Variants in REN observed in about 807,000 individuals in gnomAD.
The protein encoded by REN is renin.
A neutral mutation model predicts 48.6 loss-of-function variants in REN; 42 were observed. The observed-to-expected ratio is 0.86, with a 90% CI of 0.68 to 1.12. The LOEUF is 1.12. REN is among the 50% of genes most tolerant of loss of function. The pLI, the probability that REN is intolerant of heterozygous loss-of-function variation, is 0.00. For missense variants in REN, 443 were observed against 527.3 expected (o/e 0.84, Z 1.57); for synonymous variants, 196 against 204.6 (o/e 0.96, Z 0.36).
chr1:204,164,567 T>G (rs1415406339), intron 1 of REN, among the ~76,000 whole-genome samples: 1 of 61,930 alleles, frequency 1.6e-5, no homozygotes, highest in Admixed American at 1.4e-4. Flanking sequence ...TCTTCAGTCT[T>G]TTTTTTTTTT....
rs1384871999 is a variant in REN, at chr1:204,160,592, C to T, written c.460G>A (p.Val154Ile). 2 of 1,614,156 alleles carry T rather than the reference C, an allele frequency of 1.2e-6. No homozygotes were observed. Among genetic ancestry groups the T allele is most frequent in the South Asian group, 2.2e-5 (2 of 91,090 alleles). ...ELTLRYSTGT[V>I]SGFLSQDIIT... ...ATGTCCTGGCTGAGAAAGCCACTGA[C>T]TGTCCCTGTTGAATAGCGGAGGGTG... Residue 154 changes from valine to isoleucine, a missense_variant, in exon 4 of 10, where the codon GTC becomes ATC. Val to Ile is a conservative substitution (Grantham distance 29). Coordinates refer to ENST00000272190, the MANE Select transcript of REN (RefSeq NM_000537.4).
In REN at chr1:204,157,282, C is replaced by T. The variant is rs79234936; in HGVS notation, c.698+79G>A. ...GGGCTTGCTGATGTGAGTTTTGGGCCGGTGGCGTGTGTAATTCTAGGTCAG... is the reference window on the plus strand; with the variant it reads ...GGGCTTGCTGATGTGAGTTTTGGGCTGGTGGCGTGTGTAATTCTAGGTCAG... On this transcript the variant is annotated intron_variant, in intron 6 of 9. Transcript: ENST00000272190. 49 of 1,582,698 alleles carry T rather than the reference C, an allele frequency of 3.1e-5. No individual in the cohort carries two copies. In the African/African-American group the frequency reaches 5.4e-4, roughly 17 times the overall value.
rs1234378266 is a variant in REN at position 204,156,847 on chromosome 1, C to T, written c.699-51G>A. The T allele has an allele frequency of 6.2e-7, 1 of 1,609,404 alleles. No homozygotes were observed. The highest frequency in any genetic ancestry group is 8.5e-7 in the Non-Finnish European group (1 of 1,179,684). On this transcript the variant is annotated intron_variant, in intron 6 of 9. Transcript: ENST00000272190. This position sits in a 1 kb window ranked among gnomAD's most constrained non-coding sequence, Gnocchi z 4.2. ...GAAACCCATAACCTCCAGGACCCAG[C>T]AACTCAGGCAATTGGGGAAGGTTGC...
chr1:204,158,473 A>G (rs1361564800), intron 5 of REN, among the ~76,000 whole-genome samples: 1 of 135,208 alleles, frequency 7.4e-6, no homozygotes, highest in Non-Finnish European at 1.5e-5. Flanking sequence ...GCTGGAGTGC[A>G]GTGGCACAAT....
intron 1 of REN, among the ~76,000 whole-genome samples, chr1:204,163,624 C>T (rs1658287960): frequency 6.6e-6 from 1 of 152,146 alleles, no homozygotes; most frequent in South Asian, 2.1e-4. Flanking sequence ...CAAGGCCCAA[C>T]ATGTACCCCC....
intron 1 of REN, 83 bp downstream of exon 1, chr1:204,166,113 A>T: frequency 9.0e-7 from 1 of 1,111,328 alleles, no homozygotes; most frequent in Non-Finnish European, 1.4e-6. Context: ...ACTGAATGAC[A>T]CCGCATGTGG....
chr1:204,162,276 A>T, intron 1 of REN, 113 bp from the exon 2 acceptor site: 1 of 1,152,608 alleles, frequency 8.7e-7, no homozygotes, highest in Admixed American at 2.0e-5. Context: ...ACGTTAGCCC[A>T]GCCACCTGGA....
chr1:204,156,356 A>G lies in REN; in HGVS notation c.819-37T>C. The G allele has an allele frequency of 6.2e-7, 1 of 1,609,866 alleles. No homozygotes were observed. The highest frequency in any genetic ancestry group is 2.2e-5 in the East Asian group (1 of 44,630). ...CACAGTCAGACAGACAGACAGACAG[A>G]CAGACAGAAGGCTGATGGGGCACCT... On this transcript the variant is annotated intron_variant, in intron 7 of 9. Transcript: ENST00000272190. This position sits in a 1 kb window ranked among gnomAD's most constrained non-coding sequence, Gnocchi z 4.2.
chr1:204,158,390 C>T (rs961599598), intron 5 of REN, among the ~76,000 whole-genome samples: 4 of 150,704 alleles, frequency 2.7e-5, no homozygotes, highest in Non-Finnish European at 5.9e-5. Flanking sequence ...TGCCACTGGC[C>T]TCATGTTCTT....
Position 204,154,937 on chromosome 1 carries a change from C to T in REN, c.*79G>A. 6.4e-7 allele frequency: 1 copy of T among 1,551,350 alleles called. No homozygotes were observed. Among genetic ancestry groups the T allele is most frequent in the Non-Finnish European group, 8.8e-7 (1 of 1,133,826 alleles). Reference sequence around the variant, plus strand: ...ATGTCTCCATCTGAGGGCATAAGCCCAGGCAGAGGGGCATCTCAGAGAGTG... The same window carrying T: ...ATGTCTCCATCTGAGGGCATAAGCCTAGGCAGAGGGGCATCTCAGAGAGTG... On this transcript the variant is annotated 3_prime_UTR_variant, in exon 10 of 10. Transcript: ENST00000272190.
chr1:204,164,868 C>T (rs866444254), intron 1 of REN, among the ~76,000 whole-genome samples: 1 of 151,920 alleles, frequency 6.6e-6, no homozygotes, highest in African/African-American at 2.4e-5. Context: ...TGCCCAGCTT[C>T]CTTCTACAGT....
chr1:204,158,419 T>G (rs1325835471), intron 5 of REN, among the ~76,000 whole-genome samples: 1 of 147,290 alleles, frequency 6.8e-6, no homozygotes, highest in African/African-American at 2.5e-5. Flanking sequence ...GACTTTTTTT[T>G]TTTTTTTTTT....
rs776733175 is a variant in REN, at chr1:204,156,777, C to T, written c.718G>A (p.Gly240Arg). The T allele has an allele frequency of 4.0e-5, 65 of 1,613,978 alleles. No homozygotes were observed. The highest frequency in any genetic ancestry group is 5.2e-5 in the Non-Finnish European group (61 of 1,180,016). ...RDSENSQSLG[G>R]QIVLGGSDPQ... ...TCGCTGCCTCCCAGCACAATCTGTC[C>T]TCCCAGCGATTGGGAATTCCTAAAG... is the stretch of plus-strand genomic sequence containing the variant. Residue 240 changes from glycine (G) to arginine (R), a missense_variant, in exon 7 of 10, where the codon GGA becomes AGA. Coordinates refer to ENST00000272190, the MANE Select transcript of REN (RefSeq NM_000537.4). This position sits in a 1 kb window ranked among gnomAD's most constrained non-coding sequence, Gnocchi z 4.2.
chr1:204,157,139 T>G (rs1658164469), intron 6 of REN, among the ~76,000 whole-genome samples: 1 of 152,182 alleles, frequency 6.6e-6, no homozygotes, highest in Non-Finnish European at 1.5e-5. Context: ...CTTGGGTTGC[T>G]GCTGATTGAG....
intron 5 of REN, 78 bp downstream of exon 5, chr1:204,159,321 G>T: frequency 3.0e-6 from 4 of 1,317,644 alleles, no homozygotes; most frequent in Non-Finnish European, 4.4e-6. Flanking sequence ...TACAATTCTG[G>T]CCCAGACTCT....
At position 204,156,722 on chromosome 1, in the gene REN, T is replaced by C. The variant is rs781664088; in HGVS notation, c.773A>G (p.Tyr258Cys). The change falls in exon 7 of 10, where the codon TAT becomes TGT. Residue 258 changes from tyrosine (Y) to cysteine (C), a missense_variant. By Grantham distance (194) the Tyr-to-Cys change is radical. Transcript: ENST00000272190. This position sits in a 1 kb window ranked among gnomAD's most constrained non-coding sequence, Gnocchi z 4.2. ...GACACCAGTCTTGATGAGGTTGATA[T>C]AGTGGAAATTCCCTTCGTAATGCTG... is the stretch of plus-strand genomic sequence containing the variant. ...DPQHYEGNFH[Y>C]INLIKTGVWQ... The C allele has an allele frequency of 1.9e-6, 3 of 1,613,998 alleles. No individual in the cohort carries two copies. Among genetic ancestry groups the C allele is most frequent in the Non-Finnish European group, 2.5e-6 (3 of 1,179,978 alleles).
intron 5 of REN, among the ~76,000 whole-genome samples, chr1:204,158,857 G>C (rs915044276): frequency 3.3e-5 from 5 of 152,206 alleles, no homozygotes; most frequent in Non-Finnish European, 7.3e-5. Context: ...TGTGTTCACT[G>C]CTGCACCCCC....
chr1:204,160,314 C>T (rs770992751), intron 4 of REN, among the ~76,000 whole-genome samples: 2 of 152,242 alleles, frequency 1.3e-5, no homozygotes, highest in Non-Finnish European at 2.9e-5. Flanking sequence ...ACAAGCCCTA[C>T]ATGCAAGTTA....
At chr1:204,157,289 G>C in intron 6 of REN, 72 bp downstream of exon 6, 9 of 1,594,532 alleles carry the variant, frequency 5.6e-6, no homozygotes, top group Non-Finnish European at 5.2e-6. Flanking sequence ...GGCCGGTGGC[G>C]TGTGTAATTC....
Sources: gnomAD v4.1 joint callset for allele counts (sites outside exome capture counted in the v4.1 genomes callset) on GRCh38, gnomAD v4.1.1 for gene constraint, Gnocchi (gnomAD v3.1) non-coding constraint, MANE v1.5 for transcripts, NCBI Gene and HGNC (gene_info 2026-07-23, HGNC 2026-07-21) for gene names.